PPWD1: variants seen among roughly 807,000 people sequenced by gnomAD.
The protein encoded by PPWD1 is peptidylprolyl isomerase domain and WD repeat containing 1, also known as peptidylprolyl isomerase domain and WD repeat-containing protein 1.
In PPWD1, 43 loss-of-function variants were observed where a neutral mutation model predicts 68.8. The observed-to-expected ratio is 0.62, with a 90% CI of 0.49 to 0.81. The LOEUF (loss-of-function observed/expected upper bound fraction) is 0.81, where lower values mean the gene tolerates loss of function less well. Among genes scored for constraint, PPWD1 ranks in the 30% least tolerant of loss-of-function variants. The pLI, the probability that PPWD1 is intolerant of heterozygous loss-of-function variation, is 0.00. For synonymous variants in PPWD1, 232 were observed against 258.7 expected (o/e 0.90, Z 0.99); for missense variants, 672 against 804.8 (o/e 0.83, Z 2.00).
chr5:65,569,887 A>ACAAT lies in PPWD1; in HGVS notation c.410_411insCAAT (p.Glu137AspfsTer7). 1 of 1,597,340 alleles carries ACAAT rather than the reference A, an allele frequency of 6.3e-7. No individual in the cohort carries two copies. The highest frequency in any genetic ancestry group is 8.6e-7 in the Non-Finnish European group (1 of 1,166,400). On this transcript the variant is annotated frameshift_variant, in exon 4 of 11. Transcript: ENST00000261308. LOFTEE classifies it high-confidence loss of function. The stretch of plus-strand genomic sequence containing the variant: ...TCATTTATTGAAATAGGAGTTATTG[A>ACAAT]GAGTATTGCAGTTAGCTCTGAGGGA...
chr5:65,569,138 A>C (rs1752901654), intron 2 of PPWD1: 1 of 400,808 alleles, frequency 2.5e-6, no homozygotes, highest in African/African-American at 2.1e-5. Flanking sequence ...CTATTTTTAC[A>C]TACCTAATAG....
intron 1 of PPWD1, among the ~76,000 whole-genome samples, chr5:65,567,266 G>A (rs1752819497): frequency 6.6e-6 from 1 of 151,812 alleles, no homozygotes; most frequent in Non-Finnish European, 1.5e-5. Flanking sequence ...CCTGGGGACA[G>A]TTAGCATGTA....
chr5:65,576,838 A>T (rs759904660), intron 5 of PPWD1, 41 bp from the exon 6 acceptor site: 2 of 1,592,272 alleles, frequency 1.3e-6, no homozygotes, highest in East Asian at 4.5e-5. Context: ...ATATAGGTAT[A>T]TGTATATAGA....
chr5:65,581,377 A>G (rs1249598652), intron 7 of PPWD1, among the ~76,000 whole-genome samples: 1 of 152,170 alleles, frequency 6.6e-6, no homozygotes, highest in Non-Finnish European at 1.5e-5. Flanking sequence ...ATTTGAGCCC[A>G]GGACCAAGAC....
chr5:65,577,007 T>A lies in PPWD1; in HGVS notation c.1098T>A (p.Thr366=), dbSNP rs758785054. Residue 366 remains threonine (T), a synonymous_variant, in exon 6 of 11, where the codon ACT becomes ACA. Coordinates refer to ENST00000261308, the MANE Select transcript of PPWD1 (RefSeq NM_015342.4). The part of the protein sequence containing the change: ...VRLINIVFDE[T]GHFVLYGTML... ...TAATTAATATAGTTTTTGATGAAAC[T>A]GGACACTTCGTGCTGTATGGAACAA... 6.2e-7 allele frequency: 1 copy of A among 1,614,188 alleles called. No homozygotes were observed. The highest frequency in any genetic ancestry group is 8.5e-7 in the Non-Finnish European group (1 of 1,180,014).
intron 1 of PPWD1, among the ~76,000 whole-genome samples, chr5:65,566,058 C>T: frequency 6.6e-6 from 1 of 152,172 alleles, no homozygotes; most frequent in Non-Finnish European, 1.5e-5. Context: ...CTGTGTTTTA[C>T]TCTTCTTTAT....
intron 5 of PPWD1, among the ~76,000 whole-genome samples, chr5:65,575,477 G>T (rs561645151): frequency 6.6e-6 from 1 of 152,186 alleles, no homozygotes; most frequent in South Asian, 2.1e-4. Flanking sequence ...TTGATTTTTT[G>T]AGTTTTGTAT....
rs1440398824 is a variant in PPWD1, at chr5:65,563,420, C to T, written c.110C>T (p.Ala37Val). The change falls in exon 1 of 11, where the codon GCG (alanine) becomes GTG (valine). Residue 37 changes from alanine to valine, a missense_variant. Coordinates refer to ENST00000261308, the MANE Select transcript of PPWD1 (RefSeq NM_015342.4). The part of the protein sequence containing the change: ...LSERELAVAV[A>V]VSQENDEENE... Reference sequence around the variant, plus strand: ...GAAAGAGAGCTGGCAGTAGCAGTGGCGGTGTCCCAGGAGAACGATGAGGAG... The same window carrying T: ...GAAAGAGAGCTGGCAGTAGCAGTGGTGGTGTCCCAGGAGAACGATGAGGAG... The T allele has an allele frequency of 3.7e-6, 6 of 1,614,070 alleles. No individual in the cohort carries two copies. The Admixed American group carries it at 1.0e-4, about 27-fold the overall frequency.
chr5:65,575,965 G>A (rs1753261641), intron 5 of PPWD1, among the ~76,000 whole-genome samples: 1 of 152,168 alleles, frequency 6.6e-6, no homozygotes, highest in South Asian at 2.1e-4. Flanking sequence ...ATAGTCTATA[G>A]CTGCATTATC....
chr5:65,585,948 G>C (rs376567769), intron 9 of PPWD1, 51 bp from the exon 10 acceptor site: 3 of 1,587,348 alleles, frequency 1.9e-6, no homozygotes, highest in East Asian at 2.2e-5. Context: ...ACTTCAAAGC[G>C]TACATATATC....
intron 2 of PPWD1, among the ~76,000 whole-genome samples, chr5:65,568,567 A>G (rs1279573190): frequency 1.3e-5 from 2 of 152,230 alleles, no homozygotes; most frequent in South Asian, 2.1e-4. Flanking sequence ...GGTGAGATGA[A>G]TGGATTCAAA....
chr5:65,585,144 T>C (rs922627696), intron 9 of PPWD1, 49 bp downstream of exon 9: 25 of 1,519,458 alleles, frequency 1.6e-5, no homozygotes, highest in East Asian at 1.4e-4. Flanking sequence ...TATTATTACA[T>C]AGCAAGAGAT....
At chr5:65,567,365 C>G in intron 1 of PPWD1, 148 bp from the exon 2 acceptor site, 1 of 1,224,396 alleles carries the variant, frequency 8.2e-7, no homozygotes, top group Non-Finnish European at 1.1e-6. Flanking sequence ...AGATAACATA[C>G]TGGATTTTTT....
chr5:65,579,077 G>A (rs116309955), intron 6 of PPWD1, among the ~76,000 whole-genome samples: 4,044 of 151,926 alleles, frequency 0.027, 67 homozygotes, highest in Non-Finnish European at 0.04. Flanking sequence ...CACCATGCTT[G>A]ACCAATTTCT....
In PPWD1 at chr5:65,583,273, A is replaced by G. The variant is rs1174219573; in HGVS notation, c.1532+54A>G. The G allele has an allele frequency of 1.5e-5, 21 of 1,360,134 alleles. No homozygotes were observed. In the East Asian group the frequency reaches 5.1e-4, roughly 33 times the overall value. The allele number at this position is 1,360,134 out of a possible 1,614,324, so 84.3% of individuals were successfully genotyped here. On this transcript the variant is annotated intron_variant, in intron 8 of 10. Transcript: ENST00000261308. The stretch of plus-strand genomic sequence containing the variant: ...TATGTAATTAAGAATGTAAATGTGT[A>G]TATCTGAAGAAACCATGCAACTTAA...
At chr5:65,584,892 ACTGTCCTTCTG>A in intron 8 of PPWD1, 111 bp from the exon 9 acceptor site, 25 of 1,370,936 alleles carry the variant, frequency 1.8e-5, no homozygotes, top group East Asian at 2.6e-5. Flanking sequence ...AAAAAAAACA[ACTGTCCTTCTG>A]AAACATTCAG....
At position 65,585,751 on chromosome 5, in the gene PPWD1, G is replaced by A. The variant is rs27140; in HGVS notation, c.1615-248G>A. On this transcript the variant is annotated intron_variant, in intron 9 of 10. Transcript: ENST00000261308. ...TTGATAGTATTAACTGGCTTTATTT[G>A]GGTTATTGAGAAAGACAGAACATGT... 0.62 allele frequency among the ~76,000 whole-genome samples: 94,313 copies of A among 151,996 alleles called. 29,528 individuals carry two copies. Among genetic ancestry groups the A allele is most frequent in the South Asian group, 0.65 (3,138 of 4,824 alleles).
chr5:65,573,104 T>C (rs1753089073), intron 5 of PPWD1, among the ~76,000 whole-genome samples: 2 of 152,046 alleles, frequency 1.3e-5, no homozygotes. Flanking sequence ...TTGGGTCTTC[T>C]TTTTATTTCT....
At chr5:65,567,877 A>G in intron 2 of PPWD1, 1 of 420,882 alleles carries the variant, frequency 2.4e-6, no homozygotes, top group Non-Finnish European at 3.5e-6. Flanking sequence ...AGCTTCCCTG[A>G]AGAAGAGGGT....
Sources: allele counts gnomAD v4.1 joint callset (sites outside exome capture counted in the v4.1 genomes callset), GRCh38; gene constraint gnomAD v4.1.1; transcripts MANE v1.5; gene names NCBI Gene and HGNC (gene_info 2026-07-23, HGNC 2026-07-21).